Variants in SLC36A1 observed in about 807,000 individuals in gnomAD.
SLC36A1 encodes the protein proton-coupled amino acid transporter 1.
In SLC36A1, 30 loss-of-function variants were observed where a neutral mutation model predicts 47.5. That is an observed-to-expected ratio of 0.63 (90% CI 0.47 to 0.86). The LOEUF (loss-of-function observed/expected upper bound fraction) is 0.86, where lower values mean the gene tolerates loss of function less well. Ranked by LOEUF, SLC36A1 falls within the 40% of genes least tolerant of loss-of-function variation. The pLI, the probability that SLC36A1 is intolerant of heterozygous loss-of-function variation, is 0.00. For synonymous variants in SLC36A1, 255 were observed against 249.7 expected, an observed-to-expected ratio of 1.02 and a Z score of -0.20; for missense variants, 517 against 606.0, an observed-to-expected ratio of 0.85 and a Z score of 1.54.
the SLC36A1 span, among the ~76,000 whole-genome samples, chr5:151,524,728 C>T: frequency 1.3e-5 from 2 of 152,188 alleles, no homozygotes; most frequent in Admixed American, 1.3e-4. Context: ...ATTCCCACCC[C>T]TGCTCATGAT....
rs189615 is a variant in SLC36A1, at chr5:151,468,043, A to T, written c.723+118A>T. 5 of 793,070 alleles carry T rather than the reference A, an allele frequency of 6.3e-6. No individual in the cohort carries two copies. The South Asian group carries it at 8.5e-5, about 13-fold the overall frequency. The allele number at this position is 793,070 out of a possible 1,614,324, so 49.1% of individuals were successfully genotyped here. On this transcript the variant is annotated intron_variant, in intron 7 of 10. Transcript: ENST00000243389. Reference sequence around the variant, plus strand: ...GGTGGGGGCGGGTGGATCACCTGAGATCAGGAGTTTGAGACCAGCCTGGCC... The same window carrying T: ...GGTGGGGGCGGGTGGATCACCTGAGTTCAGGAGTTTGAGACCAGCCTGGCC...
the SLC36A1 span, among the ~76,000 whole-genome samples, chr5:151,526,320 A>G: frequency 6.6e-5 from 10 of 152,374 alleles, no homozygotes; most frequent in Admixed American, 3.3e-4. Flanking sequence ...CCTGGATTAC[A>G]TAAGGGAATG....
rs1311501026 is a variant in SLC36A1 at position 151,466,237 on chromosome 5, G to A, written c.420-962G>A. On this transcript the variant is annotated intron_variant, in intron 5 of 10. Transcript: ENST00000243389. Reference sequence around the variant, plus strand: ...AATAAAATGTGTGCTATTTTAATGCGTGCTCATAGTAAAAACTTTGTTTTG... The same window carrying A: ...AATAAAATGTGTGCTATTTTAATGCATGCTCATAGTAAAAACTTTGTTTTG... 6.6e-5 allele frequency among the ~76,000 whole-genome samples: 10 copies of A among 151,848 alleles called. No individual in the cohort carries two copies. The East Asian group carries it at 7.7e-4, about 12-fold the overall frequency.
chr5:151,551,689 C>T, the SLC36A1 span: 1 of 1,469,866 alleles, frequency 6.8e-7, no homozygotes, highest in Non-Finnish European at 9.4e-7. Context: ...TTGTCAGGCT[C>T]AGAGGACACG....
the SLC36A1 span, among the ~76,000 whole-genome samples, chr5:151,423,923 T>TAA: frequency 1.3e-5 from 2 of 152,174 alleles, no homozygotes; most frequent in African/African-American, 4.8e-5. Flanking sequence ...ACCTTCCTCT[T>TAA]AATTTTGCTG....
At chr5:151,382,273 A>T in the SLC36A1 span, 1 of 1,301,144 alleles carries the variant, frequency 7.7e-7, no homozygotes, top group Non-Finnish European at 1.1e-6. Flanking sequence ...TACATAGCAC[A>T]CACAGGCTTT....
the SLC36A1 span, among the ~76,000 whole-genome samples, chr5:151,379,158 C>CCTATAGTCTGCCTCA: frequency 3.9e-5 from 6 of 152,166 alleles, no homozygotes; most frequent in African/African-American, 1.4e-4. Context: ...ATAGTCTCCT[C>CCTATAGTCTGCCTCA]AATGGTGGCA....
chr5:151,379,062 G>A, the SLC36A1 span, among the ~76,000 whole-genome samples: 1 of 152,228 alleles, frequency 6.6e-6, no homozygotes, highest in South Asian at 2.1e-4. Context: ...TCCCAGGTGG[G>A]GAGGTGCTTG....
the SLC36A1 span, chr5:151,510,322 A>G: frequency 4.5e-6 from 4 of 880,580 alleles, no homozygotes; most frequent in South Asian, 6.8e-5. Context: ...CGTGCTGGGC[A>G]TTGGTGCCCT....
the SLC36A1 span, among the ~76,000 whole-genome samples, chr5:151,365,705 C>T: frequency 2.0e-5 from 3 of 152,200 alleles, no homozygotes; most frequent in Non-Finnish European, 4.4e-5. Flanking sequence ...AAATCTGACT[C>T]CACCCCTTAC....
At chr5:151,349,356 T>C in the SLC36A1 span, among the ~76,000 whole-genome samples, 1 of 152,044 alleles carries the variant, frequency 6.6e-6, no homozygotes, top group Non-Finnish European at 1.5e-5. Flanking sequence ...CCCAACTCAT[T>C]GCACCACATG....
At chr5:151,527,600 T>C in the SLC36A1 span, among the ~76,000 whole-genome samples, 1 of 152,158 alleles carries the variant, frequency 6.6e-6, no homozygotes, top group African/African-American at 2.4e-5. Flanking sequence ...CTTGGGAAAG[T>C]GAATGAATTT....
chr5:151,349,098 G>A, the SLC36A1 span, among the ~76,000 whole-genome samples: 2 of 152,176 alleles, frequency 1.3e-5, no homozygotes, highest in Non-Finnish European at 2.9e-5. Context: ...ATTTAAATTT[G>A]TAATCTCAGA....
At chr5:151,549,920 T>C in the SLC36A1 span, among the ~76,000 whole-genome samples, 6 of 152,212 alleles carry the variant, frequency 3.9e-5, no homozygotes, top group African/African-American at 1.4e-4. Flanking sequence ...GAGCCTTGAA[T>C]ACGTATTATA....
At chr5:151,427,098 A>G in the SLC36A1 span, among the ~76,000 whole-genome samples, 3 of 152,180 alleles carry the variant, frequency 2.0e-5, no homozygotes, top group South Asian at 2.1e-4. Context: ...TCTTTTTTCT[A>G]CATAGACACA....
At chr5:151,531,794 C>T in the SLC36A1 span, 2 of 1,613,080 alleles carry the variant, frequency 1.2e-6, no homozygotes, top group Non-Finnish European at 1.7e-6. This position sits in a 1 kb window ranked among gnomAD's most constrained non-coding sequence, Gnocchi z 5.7. Context: ...GTGACGGTGC[C>T]CAGCGTGGAC....
At chr5:151,354,271 T>G in the SLC36A1 span, among the ~76,000 whole-genome samples, 2 of 152,212 alleles carry the variant, frequency 1.3e-5, no homozygotes, top group East Asian at 3.8e-4. Context: ...ACCACTGCAC[T>G]CCAGCCTGGG....
the SLC36A1 span, among the ~76,000 whole-genome samples, chr5:151,362,555 T>G: frequency 6.6e-6 from 1 of 152,014 alleles, no homozygotes; most frequent in Non-Finnish European, 1.5e-5. Context: ...CATGCCAAGC[T>G]AATTTTTGTA....
At chr5:151,422,891 G>A in the SLC36A1 span, among the ~76,000 whole-genome samples, 3 of 152,242 alleles carry the variant, frequency 2.0e-5, no homozygotes, top group East Asian at 5.8e-4. Context: ...GCAGTGAGCT[G>A]AGATGGCATC....
Sources: gnomAD v4.1 joint callset for allele counts (sites outside exome capture counted in the v4.1 genomes callset) on GRCh38, gnomAD v4.1.1 for gene constraint, Gnocchi (gnomAD v3.1) non-coding constraint, MANE v1.5 for transcripts, NCBI Gene and HGNC (gene_info 2026-07-23, HGNC 2026-07-21) for gene names.